ATXN7L1: variants seen among roughly 807,000 people sequenced by gnomAD.
ATXN7L1 encodes ataxin 7 like 1.
A neutral mutation model predicts 70.8 loss-of-function variants in ATXN7L1; 15 were observed. That is an observed-to-expected ratio of 0.21 (90% CI 0.14 to 0.33). The LOEUF (loss-of-function observed/expected upper bound fraction) is 0.33, where lower values mean the gene tolerates loss of function less well. ATXN7L1 is among the 10% of genes least tolerant of loss of function. ATXN7L1 has a pLI of 1.00. For synonymous variants in ATXN7L1, 440 were observed against 445.1 expected, an observed-to-expected ratio of 0.99 and a Z score of 0.14; for missense variants, 975 against 1,097.1, an observed-to-expected ratio of 0.89 and a Z score of 1.57.
intron 3 of ATXN7L1, among the ~76,000 whole-genome samples, chr7:105,680,792 G>C (rs953078195): frequency 1.3e-5 from 2 of 152,212 alleles, no homozygotes; most frequent in Non-Finnish European, 2.9e-5. Flanking sequence ...GGGAACCTGA[G>C]TCTTTCCAGA....
At chr7:105,776,563 C>A (rs1001802679) in intron 3 of ATXN7L1, among the ~76,000 whole-genome samples, 4 of 152,074 alleles carry the variant, frequency 2.6e-5, no homozygotes, top group Non-Finnish European at 4.4e-5. Flanking sequence ...ATCCAGCACT[C>A]CTTGTGTGGA....
intron 2 of ATXN7L1, among the ~76,000 whole-genome samples, 200 bp from the exon 3 acceptor site, chr7:105,788,908 CCTT>C (rs1228927030): frequency 6.6e-6 from 1 of 152,228 alleles, no homozygotes; most frequent in African/African-American, 2.4e-5. Context: ...GAGAATCCCT[CCTT>C]ATTTCTCCCC....
chr7:105,694,511 G>A (rs1421446533), intron 3 of ATXN7L1, among the ~76,000 whole-genome samples: 1 of 152,162 alleles, frequency 6.6e-6, no homozygotes, highest in East Asian at 1.9e-4. Flanking sequence ...CATTATGAAG[G>A]AGGGAAACAG....
chr7:105,791,922 C>T (rs1805308179), intron 2 of ATXN7L1, among the ~76,000 whole-genome samples: 3 of 152,226 alleles, frequency 2.0e-5, no homozygotes, highest in Admixed American at 2.0e-4. Flanking sequence ...AACATCTACT[C>T]TTGTGCCAGA....
chr7:105,619,451 A>T (rs1794480828), intron 9 of ATXN7L1, among the ~76,000 whole-genome samples: 2 of 130,200 alleles, frequency 1.5e-5, no homozygotes, highest in South Asian at 5.5e-4. Flanking sequence ...GCCTGGCTGA[A>T]ATCTTTAGTT....
intron 3 of ATXN7L1, among the ~76,000 whole-genome samples, chr7:105,667,969 A>T (rs1333748591): frequency 2.0e-5 from 3 of 152,170 alleles, no homozygotes; most frequent in African/African-American, 7.2e-5. Flanking sequence ...CTCCTTTGCT[A>T]TTACTTACTC....
chr7:105,727,094 A>AT (rs1199595088), intron 3 of ATXN7L1, among the ~76,000 whole-genome samples: 3 of 152,028 alleles, frequency 2.0e-5, no homozygotes, highest in African/African-American at 4.8e-5. Flanking sequence ...AAGGAACAAG[A>AT]TTTTTTTTCC....
At chr7:105,814,056 C>T (rs1387248239) in intron 2 of ATXN7L1, among the ~76,000 whole-genome samples, 1 of 152,182 alleles carries the variant, frequency 6.6e-6, no homozygotes, top group Non-Finnish European at 1.5e-5. Context: ...GAGGAGACGT[C>T]GTCCTCAGGA....
At chr7:105,737,905 A>G (rs1299132371) in intron 3 of ATXN7L1, among the ~76,000 whole-genome samples, 1 of 152,128 alleles carries the variant, frequency 6.6e-6, no homozygotes, top group Admixed American at 6.6e-5. Flanking sequence ...ATGAGTTCCA[A>G]TGTCTAGATG....
intron 7 of ATXN7L1, among the ~76,000 whole-genome samples, chr7:105,635,517 C>T (rs920762174): frequency 2.0e-5 from 3 of 152,192 alleles, no homozygotes; most frequent in Admixed American, 6.5e-5. Flanking sequence ...CTCTGATTAG[C>T]TCTGTTGTAC....
At chr7:105,773,112 G>GGTGTGGTTTTTTTCCTAT (rs1285259619) in intron 3 of ATXN7L1, among the ~76,000 whole-genome samples, 1 of 152,154 alleles carries the variant, frequency 6.6e-6, no homozygotes, top group Non-Finnish European at 1.5e-5. Flanking sequence ...ATCTGGCAGT[G>GGTGTGGTTTTTTTCCTAT]GTGTGGTTTT....
chr7:105,721,456 A>G (rs1795174869), intron 3 of ATXN7L1, among the ~76,000 whole-genome samples: 1 of 152,190 alleles, frequency 6.6e-6, no homozygotes, highest in Admixed American at 6.5e-5. Context: ...CGGTGTTCTG[A>G]GGCTCCGAAT....
intron 4 of ATXN7L1, among the ~76,000 whole-genome samples, chr7:105,648,979 G>C (rs946685935): frequency 2.7e-5 from 4 of 145,942 alleles, no homozygotes; most frequent in African/African-American, 1.1e-4. Flanking sequence ...TAGCCTGATG[G>C]GTGACTCAGC....
intron 3 of ATXN7L1, among the ~76,000 whole-genome samples, chr7:105,781,794 T>C (rs1026570332): frequency 2.6e-5 from 4 of 152,192 alleles, no homozygotes; most frequent in African/African-American, 7.2e-5. Context: ...CAAAGTAACC[T>C]GCCCAAGGTC....
In ATXN7L1 at chr7:105,677,020, C is replaced by T. The variant is rs149024149; in HGVS notation, c.356-11732G>A. ...GCCCTGGTGCCTTGAGCTAAGGCCTCATGGCTTGCCAGGCCCCGTGGAGGG... is the reference window on the plus strand; with the variant it reads ...GCCCTGGTGCCTTGAGCTAAGGCCTTATGGCTTGCCAGGCCCCGTGGAGGG... On this transcript the variant is annotated intron_variant, in intron 3 of 11. Coordinates refer to ENST00000419735, the MANE Select transcript of ATXN7L1 (RefSeq NM_020725.2). Among the ~76,000 whole-genome samples, 73 of 152,326 alleles carry T rather than the reference C, an allele frequency of 4.8e-4. No individual in the cohort carries two copies. The East Asian group carries it at 0.012, about 25-fold the overall frequency.
At position 105,620,336 on chromosome 7, in the gene ATXN7L1, A is replaced by T; in HGVS notation, c.1396-15T>A. 6.5e-7 allele frequency: 1 copy of T among 1,536,702 alleles called. No homozygotes were observed. The highest frequency in any genetic ancestry group is 8.8e-7 in the Non-Finnish European group (1 of 1,141,936). ...AATGAGCAAAACTGTGAGGAAAAAA[A>T]AATTTTAATTTTGATTACAGGTTAA... is the stretch of plus-strand genomic sequence containing the variant. On this transcript the variant is annotated splice_polypyrimidine_tract_variant and intron_variant, in intron 8 of 11. Transcript: ENST00000419735.
At position 105,818,176 on chromosome 7, in the gene ATXN7L1, A is replaced by T. The variant is rs183255877; in HGVS notation, c.251-29468T>A. 6.3e-3 allele frequency among the ~76,000 whole-genome samples: 953 copies of T among 151,840 alleles called. 9 individuals are homozygous for T. The highest frequency in any genetic ancestry group is 0.022 in the African/African-American group (893 of 41,408). On this transcript the variant is annotated intron_variant, in intron 2 of 11. Transcript: ENST00000419735. ...CCTTGTCTTTTCAAATTAAAAAAAAATTTTTTTTTGAGATGGGGGGTCTCA... is the reference window on the plus strand; with the variant it reads ...CCTTGTCTTTTCAAATTAAAAAAAATTTTTTTTTTGAGATGGGGGGTCTCA...
intron 2 of ATXN7L1, among the ~76,000 whole-genome samples, chr7:105,869,728 G>A (rs891042712): frequency 1.3e-5 from 2 of 152,028 alleles, no homozygotes; most frequent in African/African-American, 4.8e-5. Context: ...ATGTGGGAAC[G>A]TTAAAACACA....
intron 2 of ATXN7L1, among the ~76,000 whole-genome samples, chr7:105,827,345 G>A (rs1160839543): frequency 2.0e-5 from 3 of 152,066 alleles, no homozygotes; most frequent in Non-Finnish European, 4.4e-5. Context: ...TTTTACTGTG[G>A]TAAAATAAAC....
Sources: allele counts gnomAD v4.1 joint callset (sites outside exome capture counted in the v4.1 genomes callset), GRCh38; gene constraint gnomAD v4.1.1; transcripts MANE v1.5; gene names NCBI Gene and HGNC (gene_info 2026-07-23, HGNC 2026-07-21).